FMNL3: variants seen among roughly 807,000 people sequenced by gnomAD.
FMNL3 encodes formin-like protein 3.
A neutral mutation model predicts 119.6 loss-of-function variants in FMNL3; 57 were observed. The ratio of observed to expected loss-of-function variants is 0.48; its 90% confidence interval spans 0.39 to 0.59. FMNL3 has a LOEUF of 0.59. FMNL3 is among the 20% of genes least tolerant of loss of function. The probability of loss-of-function intolerance (pLI) is 0.00; values close to 1 mark genes in which losing one functional copy is unlikely to be tolerated. For synonymous variants in FMNL3, 491 were observed against 507.3 expected (o/e 0.97, Z 0.43); for missense variants, 1,053 against 1,323.5 (o/e 0.80, Z 3.17).
chr12:49,646,689 T>C (rs1196938417), intron 25 of FMNL3, 197 bp downstream of exon 25: 1 of 1,537,292 alleles, frequency 6.5e-7, no homozygotes, highest in Non-Finnish European at 8.7e-7. Flanking sequence ...CATGGTGGGC[T>C]GCATCACAGA....
At chr12:49,706,389 A>G (rs984466446) in intron 1 of FMNL3, among the ~76,000 whole-genome samples, 2 of 152,238 alleles carry the variant, frequency 1.3e-5, no homozygotes, top group African/African-American at 2.4e-5. Flanking sequence ...GTATTGTTTC[A>G]CTTGGAGAAA....
chr12:49,666,018 T>G, intron 3 of FMNL3, 109 bp downstream of exon 3: 1 of 1,534,840 alleles, frequency 6.5e-7, no homozygotes, highest in African/African-American at 1.4e-5. Flanking sequence ...GAAATCCAAC[T>G]CCCAATGCTC....
At chr12:49,651,562 C>G (rs1565868706) in intron 14 of FMNL3, 112 bp from the exon 15 acceptor site, 5 of 890,028 alleles carry the variant, frequency 5.6e-6, no homozygotes, top group Admixed American at 3.6e-5. Flanking sequence ...AAAAAACTCT[C>G]AGAGAAGGAG....
At chr12:49,700,496 C>T (rs530050475) in intron 1 of FMNL3, among the ~76,000 whole-genome samples, 64 of 148,508 alleles carry the variant, frequency 4.3e-4, no homozygotes, top group East Asian at 8.1e-4. Flanking sequence ...AGGTGGGTCG[C>T]GTGAGGTCAG....
intron 16 of FMNL3, 67 bp downstream of exon 16, chr12:49,651,101 A>G (rs1592642903): frequency 6.3e-7 from 1 of 1,586,032 alleles, no homozygotes; most frequent in Non-Finnish European, 8.6e-7. Context: ...TAAGACCAGA[A>G]TCTCCTCAAA....
rs941960345 is a variant in FMNL3 at position 49,654,768 on chromosome 12, G to C, written c.960+142C>G. On this transcript the variant is annotated intron_variant, in intron 10 of 25. Transcript: ENST00000335154. ...TCTAAGAGCTCTCTGGGGTAGGCAG[G>C]TGGACAAGAAGCATTTGCTGAATAG... The C allele has an allele frequency of 6.4e-5, 50 of 778,976 alleles. No homozygotes were observed. The East Asian group carries it at 1.1e-3, about 18-fold the overall frequency. 48.3% of individuals were successfully genotyped at this position (778,976 alleles called of 1,614,324 possible).
chr12:49,699,910 A>C (rs959301623), intron 1 of FMNL3, among the ~76,000 whole-genome samples: 1 of 152,272 alleles, frequency 6.6e-6, no homozygotes, highest in Non-Finnish European at 1.5e-5. Flanking sequence ...AGGTAGACAC[A>C]TATACTATCA....
chr12:49,684,065 A>G (rs1944400420), intron 1 of FMNL3, among the ~76,000 whole-genome samples: 1 of 152,134 alleles, frequency 6.6e-6, no homozygotes, highest in Admixed American at 6.5e-5. Flanking sequence ...AGACAGCTTT[A>G]TGTTATAATT....
chr12:49,677,691 G>A (rs1421885844), intron 1 of FMNL3, among the ~76,000 whole-genome samples: 1 of 152,154 alleles, frequency 6.6e-6, no homozygotes, highest in Non-Finnish European at 1.5e-5. Flanking sequence ...ACTACATTCA[G>A]AAAGTTCATA....
Position 49,649,132 on chromosome 12 carries a change from C to T in FMNL3, c.2412G>A (p.Arg804=), listed in dbSNP as rs1302380901. 1 of 1,613,624 alleles carries T rather than the reference C, an allele frequency of 6.2e-7. No homozygotes were observed. Among genetic ancestry groups the T allele is most frequent in the East Asian group, 2.2e-5 (1 of 44,884 alleles). ...CGATGAAATGAAGCAGTGTCATCTT[C>T]CGGTCAGTGGACTTGGTATCCAGCA... ...DLLLDTKSTD[R]KMTLLHFIAL... Residue 804 remains arginine, a synonymous_variant, in exon 21 of 26, where the codon CGG becomes CGA. Coordinates refer to ENST00000335154, the MANE Select transcript of FMNL3 (RefSeq NM_175736.5). The surrounding 1 kb of genome is among the most constrained non-coding windows in gnomAD (Gnocchi z 5.6).
intron 6 of FMNL3, 101 bp downstream of exon 6, chr12:49,658,341 A>G (rs1943634024): frequency 6.9e-7 from 1 of 1,452,638 alleles, no homozygotes; most frequent in Non-Finnish European, 9.1e-7. Flanking sequence ...TGAGCCTGGA[A>G]GCAAGAGTGG....
In FMNL3 at chr12:49,643,145, C is replaced by T; in HGVS notation, c.*2670G>A. 6.3e-7 allele frequency: 1 copy of T among 1,592,992 alleles called. No individual in the cohort carries two copies. Among genetic ancestry groups the T allele is most frequent in the Non-Finnish European group, 8.6e-7 (1 of 1,164,276 alleles). The stretch of plus-strand genomic sequence containing the variant: ...GATTCCTTTGGCCCTGGGTCCTCCT[C>T]CTCTCTCGAATTCCCAGACGAGGGC... On this transcript the variant is annotated 3_prime_UTR_variant, in exon 26 of 26. Transcript: ENST00000335154.
chr12:49,665,740 C>T (rs1943872559), intron 4 of FMNL3, 92 bp downstream of exon 4: 1 of 1,337,660 alleles, frequency 7.5e-7, no homozygotes. Flanking sequence ...GGAAGATGAA[C>T]AGGAACACCA....
At chr12:49,688,768 G>C (rs1039670743) in intron 1 of FMNL3, 4 of 265,246 alleles carry the variant, frequency 1.5e-5, no homozygotes, top group Non-Finnish European at 3.0e-5. Context: ...GCTTGGCCTG[G>C]ATAATTAGCT....
intron 1 of FMNL3, among the ~76,000 whole-genome samples, chr12:49,678,278 C>G (rs932304184): frequency 1.3e-5 from 2 of 152,136 alleles, no homozygotes; most frequent in African/African-American, 4.8e-5. Context: ...CTGCCTCAGC[C>G]TCCCAGGGAG....
intron 1 of FMNL3, among the ~76,000 whole-genome samples, chr12:49,700,714 CAAAAAAAAAA>C (rs59073094): frequency 3.1e-5 from 2 of 64,006 alleles, no homozygotes; most frequent in Non-Finnish European, 5.6e-5. Flanking sequence ...GACTCCACCT[CAAAAAAAAAA>C]AAAAAAAAAA....
In FMNL3 at chr12:49,650,828, G is replaced by A. The variant is rs754789695; in HGVS notation, c.1848C>T (p.Gly616=). ...FEELFKTKAQ[G]PALDLICSKN... ...TGGAGCAGATGAGGTCAAGGGCAGG[G>A]CCCTGCGCTTTTGTCTTGAATAATT... The change falls in exon 17 of 26, where the codon GGC becomes GGT. Residue 616 remains glycine, a synonymous_variant. Coordinates refer to ENST00000335154, the MANE Select transcript of FMNL3 (RefSeq NM_175736.5). 1 of 1,614,178 alleles carries A rather than the reference G, an allele frequency of 6.2e-7. No individual in the cohort carries two copies. Among genetic ancestry groups the A allele is most frequent in the South Asian group, 1.1e-5 (1 of 91,084 alleles).
At position 49,637,646 on chromosome 12, in the gene FMNL3, C is replaced by T. The variant is rs911606427; in HGVS notation, c.*8169G>A. The T allele has an allele frequency of 1.9e-6, 3 of 1,568,164 alleles. No homozygotes were observed. Among genetic ancestry groups the T allele is most frequent in the East Asian group, 4.5e-5 (2 of 44,554 alleles). On this transcript the variant is annotated 3_prime_UTR_variant, in exon 26 of 26. Transcript: ENST00000335154. Reference sequence around the variant, plus strand: ...TCCTGCCCTGCCAGCCTCTCTGCACCCCCTACTACCGGCTCCTGTCCTCGG... The same window carrying T: ...TCCTGCCCTGCCAGCCTCTCTGCACTCCCTACTACCGGCTCCTGTCCTCGG...
chr12:49,642,844 G>A lies in FMNL3; in HGVS notation c.*2971C>T. The A allele has an allele frequency of 6.7e-7, 1 of 1,486,592 alleles. No homozygotes were observed. Among genetic ancestry groups the A allele is most frequent in the Non-Finnish European group, 9.2e-7 (1 of 1,088,848 alleles). 92.1% of individuals were successfully genotyped at this position (1,486,592 alleles called of 1,614,324 possible). A position where few individuals can be genotyped will look rare whatever the true frequency, so the allele number is the denominator to read the frequency against. On this transcript the variant is annotated 3_prime_UTR_variant, in exon 26 of 26. Coordinates refer to ENST00000335154, the MANE Select transcript of FMNL3 (RefSeq NM_175736.5). This position sits in a 1 kb window ranked among gnomAD's most constrained non-coding sequence, Gnocchi z 5.8. ...GCAGAAGGCTCTAGTCTGAGAAAGG[G>A]AGGCAAAGCCAGATTTTAGGAAGTA...
Sources: allele counts gnomAD v4.1 joint callset (sites outside exome capture counted in the v4.1 genomes callset), GRCh38; gene constraint gnomAD v4.1.1; non-coding constraint Gnocchi (gnomAD v3.1); transcripts MANE v1.5; gene names NCBI Gene and HGNC (gene_info 2026-07-23, HGNC 2026-07-21).